Variants in BRIP1 observed in about 807,000 individuals in gnomAD.
BRIP1 encodes the protein BRCA1 interacting DNA helicase 1, also known as Fanconi anemia group J protein.
BRIP1 carries 88 observed loss-of-function variants against 119.7 expected under a neutral mutation model. The observed-to-expected ratio is 0.74, with a 90% confidence interval of 0.62 to 0.88. The LOEUF is 0.88. BRIP1 is among the 40% of genes least tolerant of loss of function. The probability of loss-of-function intolerance (pLI) is 0.00; values close to 1 mark genes in which losing one functional copy is unlikely to be tolerated. For missense variants in BRIP1, 1,259 were observed against 1,455.4 expected, an observed-to-expected ratio of 0.87 and a Z score of 2.20; for synonymous variants, 443 against 496.5, an observed-to-expected ratio of 0.89 and a Z score of 1.43.
At chr17:61,788,360 T>C (rs2077765279) in intron 10 of BRIP1, among the ~76,000 whole-genome samples, 1 of 152,148 alleles carries the variant, frequency 6.6e-6, no homozygotes, top group African/African-American at 2.4e-5. Context: ...TATCTTGTCA[T>C]GAATGGGAAA....
Position 61,776,531 on chromosome 17 carries a change from T to A in BRIP1, c.1967A>T (p.Lys656Met), listed in dbSNP as rs1322017079. 6.2e-7 allele frequency: 1 copy of A among 1,614,156 alleles called. No individual in the cohort carries two copies. Among genetic ancestry groups the A allele is most frequent in the Non-Finnish European group, 8.5e-7 (1 of 1,180,012 alleles). ...VWVGTIGSGP[K>M]GRNLCATFQN... ...GAAGGTAGCACAGAGATTCCGACCC[T>A]TGGGGCCTGACCCAATGGTACCAAC... The change falls in exon 14 of 20, where the codon AAG becomes ATG. Residue 656 changes from lysine to methionine, a missense_variant. Lys to Met is a moderately conservative substitution (Grantham distance 95, BLOSUM62 -1). Transcript: ENST00000259008. The surrounding 1 kb of genome is among the most constrained non-coding windows in gnomAD (Gnocchi z 5.0).
intron 10 of BRIP1, among the ~76,000 whole-genome samples, chr17:61,785,258 C>G (rs2077688346): frequency 1.3e-5 from 2 of 152,084 alleles, no homozygotes. Flanking sequence ...ACAATACATG[C>G]TAAATAACAA....
chr17:61,714,076 T>TGG (rs2061821654), intron 17 of BRIP1, among the ~76,000 whole-genome samples: 1 of 152,106 alleles, frequency 6.6e-6, no homozygotes, highest in Admixed American at 6.5e-5. Context: ...CTTGGGAGGC[T>TGG]AAGGTGAGAG....
rs1243053274 is a variant in BRIP1, at chr17:61,730,418, C to T, written c.2379+12595G>A. Among the ~76,000 whole-genome samples, 1 of 152,006 alleles carries T rather than the reference C, an allele frequency of 6.6e-6. No individual in the cohort carries two copies. Among genetic ancestry groups the T allele is most frequent in the Non-Finnish European group, 1.5e-5 (1 of 67,998 alleles). ...TTTTCAGAGAAGCTAAAAAACAATC[C>T]CACCACTGCCCTTAAGGTAGAGCTG... On this transcript the variant is annotated intron_variant, in intron 16 of 19. Transcript: ENST00000259008. This position sits in a 1 kb window ranked among gnomAD's most constrained non-coding sequence, Gnocchi z 4.3.
chr17:61,683,228 ATTAC>A lies in BRIP1; in HGVS notation c.*64_*67del. The A allele has an allele frequency of 6.8e-7, 1 of 1,476,434 alleles. No homozygotes were observed. Among genetic ancestry groups the A allele is most frequent in the African/African-American group, 1.4e-5 (1 of 70,752 alleles). The allele number at this position is 1,476,434 out of a possible 1,614,324, so 91.5% of individuals were successfully genotyped here. A position where few individuals can be genotyped will look rare whatever the true frequency, so the allele number is the denominator to read the frequency against. On this transcript the variant is annotated 3_prime_UTR_variant, in exon 20 of 20. Transcript: ENST00000259008. The surrounding 1 kb of genome is among the most constrained non-coding windows in gnomAD (Gnocchi z 4.7). ...ATGCCACTTATTCAATTTACAAATTATTACTTACAACAGAGTTTAACATAAGCAT... is the reference window on the plus strand; with the variant it reads ...ATGCCACTTATTCAATTTACAAATTATTACAACAGAGTTTAACATAAGCAT...
intron 6 of BRIP1, among the ~76,000 whole-genome samples, chr17:61,836,059 C>T (rs2078567583): frequency 7.0e-6 from 1 of 143,278 alleles, no homozygotes; most frequent in South Asian, 2.2e-4. Flanking sequence ...AATTTTTATT[C>T]TGTATTGGTT....
intron 3 of BRIP1, among the ~76,000 whole-genome samples, chr17:61,858,405 C>T (rs914434184): frequency 4.0e-5 from 6 of 150,228 alleles, no homozygotes; most frequent in African/African-American, 1.5e-4. Context: ...CAGAGTTTCG[C>T]TCCTGTTGCC....
chr17:61,773,236 A>C (rs1402578719), intron 14 of BRIP1, among the ~76,000 whole-genome samples: 1 of 152,128 alleles, frequency 6.6e-6, no homozygotes, highest in Non-Finnish European at 1.5e-5. Flanking sequence ...AACCTGCAGA[A>C]CAACTAATTG....
rs191317671 is a variant in BRIP1, at chr17:61,755,262, T to C, written c.2098-10671A>G. ...CTGTAAAACCAGATGCCCAAGTCCT[T>C]AATAAAAGAAGAGTTGGCTGGGTGC... is the stretch of plus-strand genomic sequence containing the variant. On this transcript the variant is annotated intron_variant, in intron 14 of 19. Transcript: ENST00000259008. The surrounding 1 kb of genome is among the most constrained non-coding windows in gnomAD (Gnocchi z 4.5). Among the ~76,000 whole-genome samples the C allele has an allele frequency of 2.1e-4, 32 of 152,040 alleles. No homozygotes were observed. Among genetic ancestry groups the C allele is most frequent in the Admixed American group, 6.6e-4 (10 of 15,264 alleles).
chr17:61,749,955 A>G (rs980558543), intron 14 of BRIP1, among the ~76,000 whole-genome samples: 13 of 152,218 alleles, frequency 8.5e-5, no homozygotes, highest in Non-Finnish European at 2.9e-5. Flanking sequence ...TCTTTAGGAA[A>G]GATCACGTCT....
Position 61,862,542 on chromosome 17 carries a change from G to A in BRIP1, c.-31+742C>T, listed in dbSNP as rs1000324695. 6.6e-6 allele frequency among the ~76,000 whole-genome samples: 1 copy of A among 152,140 alleles called. No individual in the cohort carries two copies. Among genetic ancestry groups the A allele is most frequent in the African/African-American group, 2.4e-5 (1 of 41,418 alleles). On this transcript the variant is annotated intron_variant, in intron 1 of 19. Transcript: ENST00000259008. This position sits in a 1 kb window ranked among gnomAD's most constrained non-coding sequence, Gnocchi z 5.3. ...CCACTTTTCTTAACCTAGGATCCAC[G>A]GATGTAATTCAGAGACAATGACCTC...
chr17:61,836,600 C>T (rs1426664256), intron 6 of BRIP1, among the ~76,000 whole-genome samples: 1 of 152,032 alleles, frequency 6.6e-6, no homozygotes, highest in African/African-American at 2.4e-5. Context: ...CTACTAGGTG[C>T]AGGCTCTGTG....
At chr17:61,791,488 CAAAAAAAAAA>C (rs529710126) in intron 10 of BRIP1, among the ~76,000 whole-genome samples, 1 of 52,920 alleles carries the variant, frequency 1.9e-5, no homozygotes, top group African/African-American at 8.2e-5. Flanking sequence ...GACTTCATCT[CAAAAAAAAAA>C]AAAAAAAAAA....
chr17:61,777,105 G>A (rs768987071), intron 13 of BRIP1, among the ~76,000 whole-genome samples: 8 of 152,104 alleles, frequency 5.3e-5, no homozygotes, highest in Admixed American at 1.3e-4. Flanking sequence ...GGAGAGAGAC[G>A]AAAATTTTGC....
chr17:61,692,834 G>T (rs1298601331), intron 18 of BRIP1, among the ~76,000 whole-genome samples: 16 of 152,122 alleles, frequency 1.1e-4, no homozygotes, highest in Non-Finnish European at 8.8e-5. Context: ...ATTAAACTTA[G>T]AACTATGATG....
In BRIP1 at chr17:61,780,544, A is replaced by G. The variant is rs568332992; in HGVS notation, c.1795-143T>C. On this transcript the variant is annotated intron_variant, in intron 12 of 19. Transcript: ENST00000259008. This position sits in a 1 kb window ranked among gnomAD's most constrained non-coding sequence, Gnocchi z 5.4. ...GGAGTCTGAGACCAGCCTGGGCAATATGGTGAAACCCCGTCTCTACAAAAA... is the reference window on the plus strand; with the variant it reads ...GGAGTCTGAGACCAGCCTGGGCAATGTGGTGAAACCCCGTCTCTACAAAAA... 1.4e-4 allele frequency: 111 copies of G among 795,116 alleles called. No individual in the cohort carries two copies. In the South Asian group the frequency reaches 1.6e-3, roughly 11 times the overall value. The allele number at this position is 795,116 out of a possible 1,614,324, so 49.3% of individuals were successfully genotyped here.
chr17:61,732,609 C>G (rs1404930491), intron 16 of BRIP1, among the ~76,000 whole-genome samples: 2 of 152,036 alleles, frequency 1.3e-5, no homozygotes, highest in Non-Finnish European at 2.9e-5. Context: ...ATTTTTACAC[C>G]TACTGCATTT....
chr17:61,780,363 A>C lies in BRIP1; in HGVS notation c.1833T>G (p.Val611=), dbSNP rs2077597432. The C allele has an allele frequency of 6.2e-7, 1 of 1,610,862 alleles. No homozygotes were observed. Among genetic ancestry groups the C allele is most frequent in the African/African-American group, 1.3e-5 (1 of 74,856 alleles). Residue 611 remains valine, a synonymous_variant, in exon 13 of 20, where the codon GTT becomes GTG. Coordinates refer to ENST00000259008, the MANE Select transcript of BRIP1 (RefSeq NM_032043.3). The surrounding 1 kb of genome is among the most constrained non-coding windows in gnomAD (Gnocchi z 5.4). ...TTGGTGATAATGTACCAGATGTCAAAACAATGGTCTGAACTTTGCCATTAA... is the reference window on the plus strand; with the variant it reads ...TTGGTGATAATGTACCAGATGTCAACACAATGGTCTGAACTTTGCCATTAA... ...SDINGKVQTI[V]LTSGTLSPMK... is the part of the protein sequence containing the mutation.
Position 61,854,128 on chromosome 17 carries a change from G to GT in BRIP1, c.379+2929dup, listed in dbSNP as rs560697866. Among the ~76,000 whole-genome samples, 13 of 152,154 alleles carry GT rather than the reference G, an allele frequency of 8.5e-5. No homozygotes were observed. The East Asian group carries it at 2.5e-3, about 29-fold the overall frequency. On this transcript the variant is annotated intron_variant, in intron 4 of 19. Transcript: ENST00000259008. ...AACAAAAACTATAAAAATTAGCTAG[G>GT]TGTGGTGGTGCATGCCAGTAGTCTC... is the stretch of plus-strand genomic sequence containing the variant.
Sources: gnomAD v4.1 joint callset for allele counts (sites outside exome capture counted in the v4.1 genomes callset) on GRCh38, gnomAD v4.1.1 for gene constraint, Gnocchi (gnomAD v3.1) non-coding constraint, MANE v1.5 for transcripts, NCBI Gene and HGNC (gene_info 2026-07-23, HGNC 2026-07-21) for gene names.